The following DPP10 variants were observed in gnomAD, a reference collection of about 807,000 sequenced individuals.
DPP10 encodes inactive dipeptidyl peptidase 10.
In DPP10, 33 loss-of-function variants were observed where a neutral mutation model predicts 120.9. The ratio of observed to expected loss-of-function variants is 0.27; its 90% CI spans 0.21 to 0.37. The LOEUF (loss-of-function observed/expected upper bound fraction) is 0.37. Ranked by LOEUF, DPP10 falls within the 10% of genes least tolerant of loss-of-function variation. DPP10 has a pLI of 1.00. For synonymous variants in DPP10, 337 were observed against 326.1 expected (o/e 1.03, Z -0.36); for missense variants, 816 against 942.8 (o/e 0.87, Z 1.76).
In DPP10 at chr2:114,487,458, A is replaced by G. The variant is rs932131534; in HGVS notation, c.60+44620A>G. On this transcript the variant is annotated intron_variant, in intron 1 of 25. Transcript: ENST00000410059. ...GTGGTGGGAAAATAAATGTCAAGTA[A>G]AAATTAAATCTGTTTAAGCATAAAG... 5.9e-5 allele frequency among the ~76,000 whole-genome samples: 9 copies of G among 152,210 alleles called. No homozygotes were observed. The South Asian group carries it at 1.9e-3, about 32-fold the overall frequency.
chr2:115,611,104 T>A (rs2084064910), intron 5 of DPP10, among the ~76,000 whole-genome samples: 1 of 152,136 alleles, frequency 6.6e-6, no homozygotes, highest in Non-Finnish European at 1.5e-5. Flanking sequence ...ACTCTGGAAT[T>A]GTAGTGCATT....
chr2:114,831,019 A>C (rs1687053784), intron 1 of DPP10, among the ~76,000 whole-genome samples: 2 of 126,380 alleles, frequency 1.6e-5, no homozygotes, highest in Admixed American at 9.0e-5. Flanking sequence ...CATCCATGCA[A>C]AGATTTTTTT....
intron 1 of DPP10, among the ~76,000 whole-genome samples, chr2:114,763,996 AG>A (rs1363250169): frequency 1.3e-5 from 2 of 152,228 alleles, no homozygotes; most frequent in African/African-American, 4.8e-5. Context: ...TTTTGCAGAA[AG>A]AAATTTTTAA....
At chr2:115,374,508 A>G (rs1295742410) in intron 3 of DPP10, among the ~76,000 whole-genome samples, 1 of 152,148 alleles carries the variant, frequency 6.6e-6, no homozygotes, top group Non-Finnish European at 1.5e-5. Flanking sequence ...TCTGGAGGAC[A>G]GTGGTCTTTT....
intron 5 of DPP10, among the ~76,000 whole-genome samples, chr2:115,546,160 C>A (rs1463419054): frequency 6.6e-6 from 1 of 152,134 alleles, no homozygotes; most frequent in African/African-American, 2.4e-5. Context: ...GAGTTCCATT[C>A]TCTCCCTTTC....
At chr2:115,285,295 A>G (rs58005171) in intron 1 of DPP10, among the ~76,000 whole-genome samples, 2,867 of 152,074 alleles carry the variant, frequency 0.019, 88 homozygotes, top group African/African-American at 0.065. Flanking sequence ...AACACTTGCT[A>G]TTTCATAAGC....
chr2:114,829,386 T>A (rs11123254), intron 1 of DPP10, among the ~76,000 whole-genome samples: 131 of 143,062 alleles, frequency 9.2e-4, no homozygotes, highest in East Asian at 2.6e-3. Flanking sequence ...TTTTTTTTTT[T>A]AATTTTTTTT....
intron 1 of DPP10, among the ~76,000 whole-genome samples, chr2:114,840,914 G>T (rs1688108450): frequency 6.6e-6 from 1 of 152,104 alleles, no homozygotes; most frequent in South Asian, 2.1e-4. Flanking sequence ...CTGTTCCACA[G>T]GCACACAATA....
chr2:114,538,884 G>A (rs749219408), intron 1 of DPP10, among the ~76,000 whole-genome samples: 2 of 152,058 alleles, frequency 1.3e-5, no homozygotes, highest in Non-Finnish European at 2.9e-5. Context: ...CTTCTCTGTC[G>A]TTAGGCCCAT....
chr2:114,941,308 T>C (rs1696878435), intron 1 of DPP10, among the ~76,000 whole-genome samples: 2 of 152,184 alleles, frequency 1.3e-5, no homozygotes, highest in African/African-American at 4.8e-5. Flanking sequence ...GGCTTGGATT[T>C]CATTTAGGGA....
Position 115,791,139 on chromosome 2 carries a change from A to G in DPP10, c.1590A>G (p.Ile530Met). The part of the protein sequence containing the change: ...MLKEAILKKK[I>M]GKPEIKILHI... ...AGGAAGCTATCCTGAAGAAGAAGATAGGAAAGCCAGAAATTAAAATCCTTC... is the reference window on the plus strand; with the variant it reads ...AGGAAGCTATCCTGAAGAAGAAGATGGGAAAGCCAGAAATTAAAATCCTTC... Residue 530 changes from isoleucine (I) to methionine (M), a missense_variant, in exon 18 of 26, where the codon ATA becomes ATG. Ile to Met is a conservative substitution (Grantham distance 10). Coordinates refer to ENST00000410059, the MANE Select transcript of DPP10 (RefSeq NM_020868.6). 1 of 1,613,692 alleles carries G rather than the reference A, an allele frequency of 6.2e-7. No individual in the cohort carries two copies. Among genetic ancestry groups the G allele is most frequent in the Non-Finnish European group, 8.5e-7 (1 of 1,179,794 alleles).
chr2:115,517,232 G>A (rs574306598), intron 4 of DPP10, among the ~76,000 whole-genome samples: 2 of 152,222 alleles, frequency 1.3e-5, no homozygotes, highest in Admixed American at 6.5e-5. Context: ...GCTATTAATG[G>A]ATATTTCTGA....
At chr2:114,495,882 T>C (rs1284921850) in intron 1 of DPP10, among the ~76,000 whole-genome samples, 3 of 152,222 alleles carry the variant, frequency 2.0e-5, no homozygotes, top group South Asian at 4.1e-4. Flanking sequence ...AATATATAGA[T>C]AGACATTACA....
chr2:114,787,567 C>A lies in DPP10; in HGVS notation c.60+344729C>A, dbSNP rs116647734. 9.4e-3 allele frequency among the ~76,000 whole-genome samples: 1,426 copies of A among 152,252 alleles called. 27 individuals are homozygous for A. The highest frequency in any genetic ancestry group is 0.033 in the African/African-American group (1,359 of 41,546). On this transcript the variant is annotated intron_variant, in intron 1 of 25. Coordinates refer to ENST00000410059, the MANE Select transcript of DPP10 (RefSeq NM_020868.6). The stretch of plus-strand genomic sequence containing the variant: ...AGAGAACACATGGCTAAAGAACAGA[C>A]CTGTCTTGCTGCTCTCTAAAGCAAT...
chr2:115,374,055 A>C (rs1253468872), intron 3 of DPP10, among the ~76,000 whole-genome samples: 2 of 152,028 alleles, frequency 1.3e-5, no homozygotes, highest in Non-Finnish European at 2.9e-5. Flanking sequence ...ACAATTCAAC[A>C]TGAAATTTGG....
At chr2:114,790,586 T>C (rs746073340) in intron 1 of DPP10, among the ~76,000 whole-genome samples, 45 of 151,976 alleles carry the variant, frequency 3.0e-4, no homozygotes, top group Non-Finnish European at 5.7e-4. Context: ...CAAAGGGAGA[T>C]AAAGGTGGGG....
At chr2:114,535,411 C>T (rs968618683) in intron 1 of DPP10, among the ~76,000 whole-genome samples, 12 of 152,206 alleles carry the variant, frequency 7.9e-5, no homozygotes, top group Non-Finnish European at 2.9e-5. Flanking sequence ...GGCCATCTCT[C>T]TACCTCGTAA....
intron 1 of DPP10, chr2:115,064,761 G>T (rs1206886492): frequency 7.7e-7 from 1 of 1,304,012 alleles, no homozygotes; most frequent in Non-Finnish European, 1.0e-6. Context: ...CTTAGCAATG[G>T]TCATCACAGA....
chr2:114,694,510 G>A (rs1699954363), intron 1 of DPP10, among the ~76,000 whole-genome samples: 1 of 151,932 alleles, frequency 6.6e-6, no homozygotes, highest in Admixed American at 6.6e-5. Context: ...ATAAAATGGA[G>A]AAATTTGCAA....
Sources: gnomAD v4.1 joint callset for allele counts (sites outside exome capture counted in the v4.1 genomes callset) on GRCh38, gnomAD v4.1.1 for gene constraint, MANE v1.5 for transcripts, NCBI Gene and HGNC (gene_info 2026-07-23, HGNC 2026-07-21) for gene names.